PARD3: variants seen among roughly 807,000 people sequenced by gnomAD.
PARD3 encodes the protein partitioning defective 3 homolog.
In PARD3, 75 loss-of-function variants were observed where a neutral mutation model predicts 155.4. That is an observed-to-expected ratio of 0.48 (90% CI 0.40 to 0.58). PARD3 has a LOEUF of 0.58. Ranked by LOEUF, PARD3 falls within the 20% of genes least tolerant of loss-of-function variation. The pLI is 0.00. For missense variants in PARD3, 1,642 were observed against 1,721.7 expected (o/e 0.95, Z 0.82); for synonymous variants, 576 against 610.5 (o/e 0.94, Z 0.83).
chr10:34,324,042 A>G (rs1176041811), intron 19 of PARD3, among the ~76,000 whole-genome samples: 4 of 152,246 alleles, frequency 2.6e-5, no homozygotes, highest in Non-Finnish European at 5.9e-5. Context: ...TCAAGGAGTG[A>G]GCTTAACGTA....
chr10:34,616,564 T>C (rs2091270811), intron 2 of PARD3, among the ~76,000 whole-genome samples: 2 of 152,206 alleles, frequency 1.3e-5, no homozygotes, highest in Admixed American at 6.5e-5. Flanking sequence ...TGAATGACCC[T>C]GGAGGACGTT....
chr10:34,515,503 C>T (rs922385465), intron 3 of PARD3, among the ~76,000 whole-genome samples: 11 of 152,300 alleles, frequency 7.2e-5, no homozygotes, highest in Admixed American at 2.0e-4. Context: ...TGTAGCTGCA[C>T]GCAATCCTCT....
chr10:34,231,333 C>G (rs911426551), intron 22 of PARD3, among the ~76,000 whole-genome samples: 2 of 137,478 alleles, frequency 1.5e-5, no homozygotes, highest in Admixed American at 1.5e-4. Context: ...GGTTCCTGAA[C>G]TATATTACTT....
At chr10:34,487,036 A>G (rs758714140) in intron 3 of PARD3, among the ~76,000 whole-genome samples, 2 of 152,076 alleles carry the variant, frequency 1.3e-5, no homozygotes, top group Non-Finnish European at 1.5e-5. Context: ...ATCAGACGTC[A>G]TAACTCAGAA....
chr10:34,161,616 C>A (rs527649677), intron 22 of PARD3, among the ~76,000 whole-genome samples: 1 of 152,266 alleles, frequency 6.6e-6, no homozygotes, highest in African/African-American at 2.4e-5. Context: ...GACACTTCCA[C>A]CAGCACCATG....
At chr10:34,142,906 G>A (rs753090102) in intron 22 of PARD3, among the ~76,000 whole-genome samples, 4 of 152,214 alleles carry the variant, frequency 2.6e-5, no homozygotes, top group Non-Finnish European at 5.9e-5. Context: ...CACAGTTGAA[G>A]TCTGTGCCTC....
chr10:34,658,433 C>T (rs1004725783), intron 2 of PARD3, among the ~76,000 whole-genome samples: 5 of 151,980 alleles, frequency 3.3e-5, no homozygotes, highest in African/African-American at 1.2e-4. Flanking sequence ...CTACCACCCG[C>T]GGAACTGAGG....
At chr10:34,710,528 C>T (rs1013144635) in intron 1 of PARD3, among the ~76,000 whole-genome samples, 4 of 152,162 alleles carry the variant, frequency 2.6e-5, no homozygotes, top group Non-Finnish European at 2.9e-5. Flanking sequence ...TTTATCTTCA[C>T]AAAATATTCC....
intron 3 of PARD3, among the ~76,000 whole-genome samples, chr10:34,514,709 A>G (rs1158544962): frequency 1.3e-5 from 2 of 152,218 alleles, no homozygotes; most frequent in African/African-American, 2.4e-5. Flanking sequence ...ATAAAAAGAG[A>G]TATTTGGGGT....
chr10:34,268,141 G>A (rs1177955492), intron 22 of PARD3, among the ~76,000 whole-genome samples: 1 of 79,390 alleles, frequency 1.3e-5, no homozygotes, highest in Admixed American at 1.0e-4. Context: ...AGCGGGAAAA[G>A]ATCGTTTAAA....
At chr10:34,678,002 TAC>T (rs148878124) in intron 2 of PARD3, among the ~76,000 whole-genome samples, 43 of 152,182 alleles carry the variant, frequency 2.8e-4, no homozygotes, top group Non-Finnish European at 5.3e-4. Flanking sequence ...AGCCTAAACT[TAC>T]AGTCATATAT....
At position 34,815,041 on chromosome 10, in the gene PARD3, C is replaced by A. The variant is rs1170861027; in HGVS notation, c.-46G>T. On this transcript the variant is annotated 5_prime_UTR_variant, in exon 1 of 25. Coordinates refer to ENST00000374788, the MANE Select transcript of PARD3 (RefSeq NM_001184785.2). ...GCCCGCGCCCCTCGCCGAGCGCAGC[C>A]GGAGCAGCCGAGGCCGGGACCGAGG... The A allele has an allele frequency of 3.0e-6, 4 of 1,316,968 alleles. No homozygotes were observed. The African/African-American group carries it at 4.7e-5, about 15-fold the overall frequency. 81.6% of individuals were successfully genotyped at this position (1,316,968 alleles called of 1,614,324 possible).
chr10:34,191,913 A>T (rs547744718), intron 22 of PARD3, among the ~76,000 whole-genome samples: 1 of 152,226 alleles, frequency 6.6e-6, no homozygotes, highest in Non-Finnish European at 1.5e-5. Context: ...CTGTGAGGCC[A>T]GCAAATAGAG....
intron 2 of PARD3, among the ~76,000 whole-genome samples, chr10:34,674,901 A>C (rs2093676242): frequency 6.6e-6 from 1 of 152,198 alleles, no homozygotes; most frequent in African/African-American, 2.4e-5. Context: ...AGCCAATTTA[A>C]GTAGGACACA....
chr10:34,618,254 A>C (rs1248744317), intron 2 of PARD3, among the ~76,000 whole-genome samples: 1 of 152,206 alleles, frequency 6.6e-6, no homozygotes, highest in Non-Finnish European at 1.5e-5. Context: ...AATCCAAATA[A>C]AAAAGTCTTT....
At chr10:34,399,451 A>G in intron 6 of PARD3, 38 bp from the exon 7 acceptor site, 4 of 1,374,984 alleles carry the variant, frequency 2.9e-6, no homozygotes, top group South Asian at 2.3e-5. Flanking sequence ...ATGAACGTGT[A>G]CTGTAAACAA....
intron 2 of PARD3, among the ~76,000 whole-genome samples, chr10:34,532,435 A>G (rs1226042413): frequency 2.0e-5 from 3 of 152,194 alleles, no homozygotes; most frequent in African/African-American, 7.2e-5. Context: ...GCACCAGCTT[A>G]TAAGGCTGGG....
chr10:34,151,425 T>TA (rs1415233834), intron 22 of PARD3, among the ~76,000 whole-genome samples: 9 of 152,138 alleles, frequency 5.9e-5, no homozygotes, highest in African/African-American at 2.2e-4. Context: ...GGTTTTTTTT[T>TA]AAATTTTATT....
At chr10:34,288,568 GAA>G (rs1245253608) in intron 20 of PARD3, among the ~76,000 whole-genome samples, 1 of 152,198 alleles carries the variant, frequency 6.6e-6, no homozygotes, top group Non-Finnish European at 1.5e-5. Context: ...GGGAGTCATT[GAA>G]AAATTTCACC....
Sources: allele counts gnomAD v4.1 joint callset (sites outside exome capture counted in the v4.1 genomes callset), GRCh38; gene constraint gnomAD v4.1.1; transcripts MANE v1.5; gene names NCBI Gene and HGNC (gene_info 2026-07-23, HGNC 2026-07-21).